SLC25A37: variants seen among roughly 807,000 people sequenced by gnomAD.
SLC25A37 encodes the protein solute carrier family 25 member 37.
SLC25A37 carries 17 observed loss-of-function variants against 31.0 expected under a neutral mutation model. The observed-to-expected ratio is 0.55, with a 90% CI of 0.38 to 0.82. The LOEUF (loss-of-function observed/expected upper bound fraction) is 0.82. Among genes scored for constraint, SLC25A37 ranks in the 40% least tolerant of loss-of-function variants. The pLI, the probability that SLC25A37 is intolerant of heterozygous loss-of-function variation, is 0.00. For synonymous variants in SLC25A37, 222 were observed against 193.0 expected (o/e 1.15, Z -1.24); for missense variants, 404 against 465.8 (o/e 0.87, Z 1.22).
intron 1 of SLC25A37, among the ~76,000 whole-genome samples, chr8:23,544,880 G>C (rs913920426): frequency 1.3e-5 from 2 of 152,134 alleles, no homozygotes; most frequent in African/African-American, 4.8e-5. Flanking sequence ...TTGACTGCCT[G>C]GTGGCTTTCA....
intron 1 of SLC25A37, among the ~76,000 whole-genome samples, chr8:23,546,440 A>T (rs1356040134): frequency 2.0e-5 from 3 of 149,424 alleles, no homozygotes; most frequent in East Asian, 2.0e-4. Flanking sequence ...GTGCTTAAAA[A>T]TTTTTTTTTC....
chr8:23,564,586 G>A (rs966109193), intron 1 of SLC25A37, among the ~76,000 whole-genome samples: 6 of 151,566 alleles, frequency 4.0e-5, no homozygotes, highest in Admixed American at 1.3e-4. Context: ...TGACTTTGGT[G>A]GGACTGAGCC....
At chr8:23,543,722 A>G (rs940418101) in intron 1 of SLC25A37, among the ~76,000 whole-genome samples, 10 of 151,380 alleles carry the variant, frequency 6.6e-5, no homozygotes, top group African/African-American at 2.4e-4. Context: ...TTTAGTAGAG[A>G]TGGGGTTTCG....
intron 2 of SLC25A37, 162 bp downstream of exon 2, chr8:23,566,498 GCACA>G: frequency 7.1e-7 from 1 of 1,411,920 alleles, no homozygotes; most frequent in African/African-American, 1.5e-5. Context: ...ACACACGCAC[GCACA>G]CACACGCGCG....
In SLC25A37 at chr8:23,528,986, C is replaced by T; in HGVS notation, c.-17C>T. On this transcript the variant is annotated 5_prime_UTR_variant, in exon 1 of 4. Transcript: ENST00000519973. ...TGCCCACCTCCTGCAGCCTCCTGCG[C>T]CCCGCCGAGCTGGCGGATGGAGCTG... The T allele has an allele frequency of 6.8e-7, 1 of 1,479,954 alleles. No individual in the cohort carries two copies. Among genetic ancestry groups the T allele is most frequent in the Non-Finnish European group, 9.0e-7 (1 of 1,113,186 alleles). The allele number at this position is 1,479,954 out of a possible 1,614,324, so 91.7% of individuals were successfully genotyped here.
At chr8:23,552,789 G>A (rs548921632) in intron 1 of SLC25A37, among the ~76,000 whole-genome samples, 58 of 152,346 alleles carry the variant, frequency 3.8e-4, no homozygotes, top group Middle Eastern at 3.4e-3. Flanking sequence ...AGAGGGGCGA[G>A]TCTGGCAGTG....
At chr8:23,546,770 A>AG (rs1345092378) in intron 1 of SLC25A37, among the ~76,000 whole-genome samples, 3 of 151,640 alleles carry the variant, frequency 2.0e-5, no homozygotes, top group African/African-American at 7.3e-5. Context: ...TCACAAGAAA[A>AG]AAATTCATCT....
chr8:23,567,974 G>T (rs907563819), intron 2 of SLC25A37: 7 of 372,604 alleles, frequency 1.9e-5, no homozygotes, highest in Admixed American at 7.4e-5. Flanking sequence ...AAAGGCGAGG[G>T]ACAAGAGAGA....
Position 23,546,488 on chromosome 8 carries a change from G to GGT in SLC25A37, c.210+17285_210+17286dup, listed in dbSNP as rs1227758137. Among the ~76,000 whole-genome samples, 119 of 139,440 alleles carry GGT rather than the reference G, an allele frequency of 8.5e-4. 1 individual carries two copies. The highest frequency in any genetic ancestry group is 1.6e-3 in the Non-Finnish European group (103 of 64,916). The allele number at this position is 139,440 out of a possible 152,430, so 91.5% of individuals were successfully genotyped here. ...TTCTCAGGCAATAACTGAATTTTAAGGTGTGTGTGTATATATATATATAGG... is the reference window on the plus strand; with the variant it reads ...TTCTCAGGCAATAACTGAATTTTAAGGTGTGTGTGTGTATATATATATATAGG... On this transcript the variant is annotated intron_variant, in intron 1 of 3. Coordinates refer to ENST00000519973, the MANE Select transcript of SLC25A37 (RefSeq NM_016612.4).
At chr8:23,541,171 A>C (rs550194300) in intron 1 of SLC25A37, among the ~76,000 whole-genome samples, 1 of 152,222 alleles carries the variant, frequency 6.6e-6, no homozygotes, top group Non-Finnish European at 1.5e-5. Flanking sequence ...TAATGTAGAC[A>C]GGGGATAGTA....
chr8:23,564,713 T>G lies in SLC25A37; in HGVS notation c.211-1395T>G, dbSNP rs77936940. On this transcript the variant is annotated intron_variant, in intron 1 of 3. Transcript: ENST00000519973. ...TGGGTTTGTAAGACCAGCCTTTGGT[T>G]GAAGACCTTCCTTGGGTCCTAGCAG... 2.8e-3 allele frequency among the ~76,000 whole-genome samples: 432 copies of G among 152,270 alleles called. 2 individuals carry two copies. The highest frequency in any genetic ancestry group is 0.01 in the African/African-American group (417 of 41,544).
chr8:23,569,523 CTG>C (rs541733796), intron 3 of SLC25A37, among the ~76,000 whole-genome samples: 45 of 152,328 alleles, frequency 3.0e-4, no homozygotes, highest in Non-Finnish European at 5.1e-4. Context: ...TTCAATTTGA[CTG>C]TTTTTAATAT....
At chr8:23,543,124 A>G (rs1347948161) in intron 1 of SLC25A37, 5 of 151,846 alleles carry the variant, frequency 3.3e-5, no homozygotes, top group Middle Eastern at 6.8e-3. Flanking sequence ...GCTGGAGTGC[A>G]GTGTTGAGAT....
At chr8:23,542,722 G>A (rs1353941235) in intron 1 of SLC25A37, among the ~76,000 whole-genome samples, 1 of 149,528 alleles carries the variant, frequency 6.7e-6, no homozygotes, top group East Asian at 2.0e-4. Context: ...AAGAGCCTCA[G>A]GCAGGTCCTT....
At chr8:23,560,903 G>A (rs1039699954) in intron 1 of SLC25A37, among the ~76,000 whole-genome samples, 10 of 152,122 alleles carry the variant, frequency 6.6e-5, no homozygotes, top group Admixed American at 5.9e-4. Context: ...GAAAGAGCAA[G>A]CAGGAGGGAG....
intron 1 of SLC25A37, among the ~76,000 whole-genome samples, chr8:23,543,805 G>C: frequency 6.6e-6 from 1 of 151,888 alleles, no homozygotes; most frequent in South Asian, 2.1e-4. Flanking sequence ...CAAGATGCTG[G>C]GATTACAGGC....
chr8:23,552,552 G>A (rs1456811339), intron 1 of SLC25A37, among the ~76,000 whole-genome samples: 1 of 152,116 alleles, frequency 6.6e-6, no homozygotes, highest in Non-Finnish European at 1.5e-5. Context: ...GCTACCCCAG[G>A]CCACGTGCCC....
intron 1 of SLC25A37, among the ~76,000 whole-genome samples, chr8:23,562,983 G>GT (rs1057183811): frequency 2.0e-5 from 3 of 152,182 alleles, no homozygotes; most frequent in African/African-American, 7.2e-5. Context: ...TAAAGGAGGA[G>GT]TTTTGCCTCT....
chr8:23,545,102 G>A (rs1450651826), intron 1 of SLC25A37, among the ~76,000 whole-genome samples: 1 of 152,184 alleles, frequency 6.6e-6, no homozygotes, highest in African/African-American at 2.4e-5. Context: ...GCAGGTTTAG[G>A]GTTTGCCTGA....
Sources: allele counts gnomAD v4.1 joint callset (sites outside exome capture counted in the v4.1 genomes callset), GRCh38; gene constraint gnomAD v4.1.1; transcripts MANE v1.5; gene names NCBI Gene and HGNC (gene_info 2026-07-23, HGNC 2026-07-21).